AKAP19: variants seen among roughly 807,000 people sequenced by gnomAD.
AKAP19 encodes small A-kinase anchoring protein.
the AKAP19 span, among the ~76,000 whole-genome samples, chr2:189,910,294 G>T: frequency 6.6e-6 from 1 of 152,140 alleles, no homozygotes; most frequent in African/African-American, 2.4e-5. Flanking sequence ...GAACTAGTTT[G>T]ATAGGCATTA....
the AKAP19 span, among the ~76,000 whole-genome samples, chr2:190,145,696 G>A: frequency 6.6e-6 from 1 of 152,008 alleles, no homozygotes; most frequent in African/African-American, 2.4e-5. Flanking sequence ...TTTCTAACTA[G>A]GTTTGTGTAG....
chr2:189,879,962 T>C, the AKAP19 span: 7,566 of 152,304 alleles, frequency 0.05, 300 homozygotes, highest in African/African-American at 0.1. Flanking sequence ...GCTGAGAAGG[T>C]AGCCATCTAT....
At chr2:190,118,434 A>G in the AKAP19 span, among the ~76,000 whole-genome samples, 1 of 152,224 alleles carries the variant, frequency 6.6e-6, no homozygotes, top group Non-Finnish European at 1.5e-5. Flanking sequence ...TTTTAGACCA[A>G]TATCCCTGAT....
chr2:189,978,722 G>T, the AKAP19 span, among the ~76,000 whole-genome samples: 4 of 152,136 alleles, frequency 2.6e-5, no homozygotes, highest in Admixed American at 2.0e-4. Context: ...TGCTGCAAAG[G>T]ATATGATTTC....
the AKAP19 span, among the ~76,000 whole-genome samples, chr2:190,158,340 C>A: frequency 6.6e-6 from 1 of 152,114 alleles, no homozygotes; most frequent in Non-Finnish European, 1.5e-5. Context: ...GTGTTTTTAG[C>A]AGAAGTAAAA....
the AKAP19 span, among the ~76,000 whole-genome samples, chr2:190,037,899 T>G: frequency 1.3e-5 from 2 of 152,312 alleles, 1 homozygote; most frequent in South Asian, 4.1e-4. Flanking sequence ...GTTTTTACAA[T>G]GAAAAATTTA....
At chr2:190,111,892 TTG>T in the AKAP19 span, among the ~76,000 whole-genome samples, 1 of 151,840 alleles carries the variant, frequency 6.6e-6, no homozygotes, top group African/African-American at 2.4e-5. Context: ...TTTTTTTGTT[TTG>T]TTTTTTTGTT....
chr2:190,131,251 A>G, the AKAP19 span, among the ~76,000 whole-genome samples: 2 of 152,224 alleles, frequency 1.3e-5, no homozygotes, highest in African/African-American at 4.8e-5. Flanking sequence ...ATCACCAGAA[A>G]GACTAAGCCA....
the AKAP19 span, among the ~76,000 whole-genome samples, chr2:189,970,633 T>C: frequency 6.6e-6 from 1 of 152,206 alleles, no homozygotes; most frequent in African/African-American, 2.4e-5. Context: ...TTGATAGCAA[T>C]TTAGCTTATC....
chr2:190,097,470 T>C, the AKAP19 span, among the ~76,000 whole-genome samples: 1 of 152,222 alleles, frequency 6.6e-6, no homozygotes, highest in Non-Finnish European at 1.5e-5. Flanking sequence ...GTTTGCCACA[T>C]AGATTGACTT....
the AKAP19 span, among the ~76,000 whole-genome samples, chr2:190,157,578 G>C: frequency 6.6e-6 from 1 of 151,982 alleles, no homozygotes; most frequent in African/African-American, 2.4e-5. Flanking sequence ...TCTGATGGGG[G>C]ATAGATTTTA....
chr2:189,912,512 G>A, the AKAP19 span, among the ~76,000 whole-genome samples: 1 of 152,122 alleles, frequency 6.6e-6, no homozygotes, highest in Non-Finnish European at 1.5e-5. Context: ...CTGCACTCCA[G>A]CCCGGGCAAC....
the AKAP19 span, among the ~76,000 whole-genome samples, chr2:190,013,203 C>T: frequency 6.6e-6 from 1 of 152,124 alleles, no homozygotes; most frequent in Non-Finnish European, 1.5e-5. Flanking sequence ...TATTTTTACA[C>T]TGTTTGGTAG....
chr2:190,197,553 T>C, the AKAP19 span, among the ~76,000 whole-genome samples: 2 of 152,208 alleles, frequency 1.3e-5, no homozygotes, highest in Non-Finnish European at 2.9e-5. This position sits in a 1 kb window ranked among gnomAD's most constrained non-coding sequence, Gnocchi z 4.0. Flanking sequence ...CCCTAACCTC[T>C]GTTGCATCAG....
At chr2:190,164,651 T>A in the AKAP19 span, among the ~76,000 whole-genome samples, 1 of 152,362 alleles carries the variant, frequency 6.6e-6, no homozygotes, top group Admixed American at 6.5e-5. Flanking sequence ...AAATTTTTAA[T>A]AATGCTTCAG....
At chr2:190,121,148 A>G in the AKAP19 span, among the ~76,000 whole-genome samples, 3 of 148,012 alleles carry the variant, frequency 2.0e-5, no homozygotes, top group Admixed American at 6.8e-5. Flanking sequence ...GGGCTTTGCA[A>G]TGTCACCCAG....
At chr2:190,028,667 C>A in the AKAP19 span, among the ~76,000 whole-genome samples, 1 of 151,944 alleles carries the variant, frequency 6.6e-6, no homozygotes, top group South Asian at 2.1e-4. Flanking sequence ...AAGAAACATT[C>A]CAGCATAAAA....
the AKAP19 span, among the ~76,000 whole-genome samples, chr2:189,975,993 T>C: frequency 6.6e-6 from 1 of 152,176 alleles, no homozygotes; most frequent in African/African-American, 2.4e-5. Context: ...AGTCAGTCAT[T>C]CTCCGTCCAG....
At chr2:190,025,782 C>A in the AKAP19 span, among the ~76,000 whole-genome samples, 1 of 152,180 alleles carries the variant, frequency 6.6e-6, no homozygotes, top group Non-Finnish European at 1.5e-5. Context: ...TCTTTATCCC[C>A]AAGCACTGGT....
Sources: allele counts gnomAD v4.1 joint callset (sites outside exome capture counted in the v4.1 genomes callset), GRCh38; gene constraint gnomAD v4.1.1; non-coding constraint Gnocchi (gnomAD v3.1); transcripts MANE v1.5; gene names NCBI Gene and HGNC (gene_info 2026-07-23, HGNC 2026-07-21).